Variants in STARD13 observed in about 807,000 individuals in gnomAD.
The protein encoded by STARD13 is stAR-related lipid transfer protein 13.
STARD13 carries 62 observed loss-of-function variants against 106.4 expected under a neutral mutation model. That is an observed-to-expected ratio of 0.58 (90% CI 0.48 to 0.72). The LOEUF (loss-of-function observed/expected upper bound fraction) is 0.72, where lower values mean the gene tolerates loss of function less well. Among genes scored for constraint, STARD13 ranks in the 30% least tolerant of loss-of-function variants. The pLI is 0.00. For missense variants in STARD13, 1,387 were observed against 1,424.0 expected (o/e 0.97, Z 0.42); for synonymous variants, 565 against 553.0 (o/e 1.02, Z -0.31).
At chr13:33,266,245 A>G (rs1890890230) in intron 1 of STARD13, among the ~76,000 whole-genome samples, 1 of 152,214 alleles carries the variant, frequency 6.6e-6, no homozygotes, top group Admixed American at 6.5e-5. Flanking sequence ...TAAAATGGGA[A>G]CATCAATGGT....
chr13:33,646,118 A>G, the STARD13 span, among the ~76,000 whole-genome samples: 1 of 152,190 alleles, frequency 6.6e-6, no homozygotes. Flanking sequence ...TAAAACCTGT[A>G]ATGACTGCAC....
At chr13:33,635,599 G>T in the STARD13 span, among the ~76,000 whole-genome samples, 1 of 152,010 alleles carries the variant, frequency 6.6e-6, no homozygotes, top group Non-Finnish European at 1.5e-5. Flanking sequence ...GGCAGAGCTT[G>T]CAGTGAGCTG....
chr13:33,627,989 G>A, the STARD13 span, among the ~76,000 whole-genome samples: 1 of 145,774 alleles, frequency 6.9e-6, no homozygotes, highest in Admixed American at 6.8e-5. Flanking sequence ...TTTTTGAGAC[G>A]GAGTCTCGCT....
chr13:33,261,220 T>C (rs1566104544), intron 1 of STARD13, among the ~76,000 whole-genome samples: 3 of 152,184 alleles, frequency 2.0e-5, no homozygotes, highest in African/African-American at 4.8e-5. Context: ...ACATGTTTGG[T>C]TTTCACAACT....
At chr13:33,670,164 T>C in the STARD13 span, among the ~76,000 whole-genome samples, 6 of 152,186 alleles carry the variant, frequency 3.9e-5, no homozygotes, top group Admixed American at 6.5e-5. Flanking sequence ...GAGACTACGA[T>C]ACAGGCTGTG....
At chr13:33,643,164 C>CACACACAA in the STARD13 span, among the ~76,000 whole-genome samples, 3 of 113,548 alleles carry the variant, frequency 2.6e-5, no homozygotes, top group Non-Finnish European at 4.6e-5. Context: ...AACATGCACA[C>CACACACAA]ACACACACAC....
chr13:33,181,305 C>T (rs902870512), intron 1 of STARD13, among the ~76,000 whole-genome samples: 1 of 151,180 alleles, frequency 6.6e-6, no homozygotes, highest in African/African-American at 2.5e-5. Flanking sequence ...CATATTCATG[C>T]ACATGGATTC....
intron 1 of STARD13, among the ~76,000 whole-genome samples, chr13:33,304,479 A>C (rs902853274): frequency 1.8e-4 from 27 of 152,288 alleles, no homozygotes; most frequent in African/African-American, 6.5e-4. Flanking sequence ...TCAACATTCC[A>C]TGTAATAAAA....
intron 1 of STARD13, among the ~76,000 whole-genome samples, chr13:33,251,811 T>G (rs1336870099): frequency 6.6e-6 from 1 of 152,216 alleles, no homozygotes; most frequent in East Asian, 1.9e-4. Context: ...TCTGCAAACC[T>G]CAGATTTACC....
intron 1 of STARD13, among the ~76,000 whole-genome samples, chr13:33,176,260 T>C (rs1884510070): frequency 6.6e-6 from 1 of 152,246 alleles, no homozygotes; most frequent in African/African-American, 2.4e-5. Flanking sequence ...ATATTGTATG[T>C]ATTTTCTTAA....
At chr13:33,192,854 C>T (rs1886346534) in intron 1 of STARD13, among the ~76,000 whole-genome samples, 1 of 152,024 alleles carries the variant, frequency 6.6e-6, no homozygotes, top group Non-Finnish European at 1.5e-5. Context: ...GCCGAGATTG[C>T]ACCACTGCAC....
chr13:33,279,825 CAA>C (rs34131911), intron 1 of STARD13: 1 of 152,196 alleles, frequency 6.6e-6, no homozygotes, highest in African/African-American at 2.4e-5. Flanking sequence ...AAATGTTAGT[CAA>C]AGTTAGTTAA....
chr13:33,278,383 C>G (rs1199400969), intron 1 of STARD13: 2 of 152,162 alleles, frequency 1.3e-5, no homozygotes, highest in Non-Finnish European at 2.9e-5. Flanking sequence ...TAGGTTAAGA[C>G]AGAGAATCTG....
chr13:33,276,923 A>G (rs574924556), intron 1 of STARD13, among the ~76,000 whole-genome samples: 2 of 152,262 alleles, frequency 1.3e-5, no homozygotes, highest in South Asian at 4.1e-4. Flanking sequence ...ATCATTTGAC[A>G]GTCTAGCCAG....
chr13:33,464,863 T>A, the STARD13 span, among the ~76,000 whole-genome samples: 2 of 152,056 alleles, frequency 1.3e-5, no homozygotes, highest in Non-Finnish European at 2.9e-5. Context: ...GAACGCCTGC[T>A]ATGTACTAGA....
chr13:33,128,820 CAG>C (rs1202665819), intron 5 of STARD13, 107 bp downstream of exon 5: 6 of 1,129,722 alleles, frequency 5.3e-6, no homozygotes. Context: ...TCACTTAGAA[CAG>C]AGTCAGGCAT....
chr13:33,657,320 C>T, the STARD13 span: 3 of 152,070 alleles, frequency 2.0e-5, no homozygotes, highest in Non-Finnish European at 4.4e-5. Flanking sequence ...GTTTGTCCCC[C>T]AATACCTGAT....
At chr13:33,465,766 T>C in the STARD13 span, among the ~76,000 whole-genome samples, 1 of 152,172 alleles carries the variant, frequency 6.6e-6, no homozygotes, top group Non-Finnish European at 1.5e-5. Context: ...TTACACTATA[T>C]GTTACATATT....
At chr13:33,604,962 C>T in the STARD13 span, among the ~76,000 whole-genome samples, 1 of 152,052 alleles carries the variant, frequency 6.6e-6, no homozygotes, top group Non-Finnish European at 1.5e-5. Flanking sequence ...CCAAATTTGG[C>T]TGGGTGCTGT....
Sources: allele counts gnomAD v4.1 joint callset (sites outside exome capture counted in the v4.1 genomes callset), GRCh38; gene constraint gnomAD v4.1.1; transcripts MANE v1.5; gene names NCBI Gene and HGNC (gene_info 2026-07-23, HGNC 2026-07-21).